DNM1L: variants seen among roughly 807,000 people sequenced by gnomAD.
DNM1L encodes the protein dynamin-1-like protein.
Under a neutral mutation model 92.8 loss-of-function variants are expected in DNM1L, and 33 were observed. The observed-to-expected ratio is 0.36, with a 90% CI of 0.27 to 0.48. DNM1L has a LOEUF of 0.48. Ranked by LOEUF, DNM1L falls within the 20% of genes least tolerant of loss-of-function variation. The probability of loss-of-function intolerance (pLI) is 0.99; values close to 1 mark genes in which losing one functional copy is unlikely to be tolerated. For synonymous variants in DNM1L, 284 were observed against 305.0 expected, an observed-to-expected ratio of 0.93 and a Z score of 0.72; for missense variants, 485 against 888.8, an observed-to-expected ratio of 0.55 and a Z score of 5.78.
At chr12:32,706,138 T>A (rs973272767) in intron 2 of DNM1L, 5 of 334,078 alleles carry the variant, frequency 1.5e-5, no homozygotes, top group African/African-American at 1.1e-4. Context: ...TAGAAACAGC[T>A]CTTTGGTATG....
chr12:32,680,977 A>G (rs1037824591), intron 1 of DNM1L, among the ~76,000 whole-genome samples: 3 of 152,242 alleles, frequency 2.0e-5, no homozygotes, highest in African/African-American at 7.2e-5. Flanking sequence ...AAGTAAAAGA[A>G]TTAGGGATAT....
chr12:32,727,673 C>A lies in DNM1L; in HGVS notation c.1080-3341C>A, dbSNP rs188857182. On this transcript the variant is annotated intron_variant, in intron 9 of 19. Transcript: ENST00000549701. ...TCAGATGCTATACCTATCTTGGAAT[C>A]ATTTCTCAAATCATGTAACAAATAA... Among the ~76,000 whole-genome samples, 10 of 152,350 alleles carry A rather than the reference C, an allele frequency of 6.6e-5. No homozygotes were observed. In the East Asian group the frequency reaches 1.5e-3, roughly 24 times the overall value.
intron 13 of DNM1L, among the ~76,000 whole-genome samples, chr12:32,736,498 T>A (rs1432726281): frequency 2.0e-5 from 3 of 152,230 alleles, no homozygotes; most frequent in African/African-American, 7.2e-5. Flanking sequence ...ATTAGAACAG[T>A]AGGCAATTGA....
chr12:32,720,877 A>G lies in DNM1L; in HGVS notation c.872+82A>G, dbSNP rs1454053297. 3.2e-6 allele frequency: 5 copies of G among 1,544,348 alleles called. No individual in the cohort carries two copies. The East Asian group carries it at 1.1e-4, about 35-fold the overall frequency. ...AGAGGGTTCATTTTCAGTTCCTTAC[A>G]TTTTCATACTGTTCCTAACAGCTTC... On this transcript the variant is annotated intron_variant, in intron 8 of 19. Transcript: ENST00000549701.
At chr12:32,679,538 A>C in intron 1 of DNM1L, 73 bp downstream of exon 1, 1 of 1,463,068 alleles carries the variant, frequency 6.8e-7, no homozygotes, top group East Asian at 2.3e-5. Context: ...GGCAGTGCCC[A>C]CTCCCGCGCC....
At chr12:32,734,115 TA>T (rs952458715) in intron 13 of DNM1L, among the ~76,000 whole-genome samples, 2 of 152,228 alleles carry the variant, frequency 1.3e-5, no homozygotes, top group African/African-American at 4.8e-5. Context: ...ACAAAGTATT[TA>T]AAATTCTTTT....
At position 32,726,845 on chromosome 12, in the gene DNM1L, T is replaced by A. The variant is rs1054152622; in HGVS notation, c.1080-4169T>A. ...AGTGATCAGAATCATCTGGTTCTGG[T>A]TCTAACCTCATCCTATATGTCTTTG... On this transcript the variant is annotated intron_variant, in intron 9 of 19. Coordinates refer to ENST00000549701, the MANE Select transcript of DNM1L (RefSeq NM_012062.5). 3 of 634,824 alleles carry A rather than the reference T, an allele frequency of 4.7e-6. No individual in the cohort carries two copies. In the African/African-American group the frequency reaches 5.5e-5, roughly 12 times the overall value. The allele number at this position is 634,824 out of a possible 1,614,324, so 39.3% of individuals were successfully genotyped here.
Position 32,702,856 on chromosome 12 carries a change from T to C in DNM1L, c.250+1294T>C, listed in dbSNP as rs556277003. ...TACATTAGGTAGCTTCTGGGTATGT[T>C]ATTCATCACTTTGCATTTCTCTAAT... On this transcript the variant is annotated intron_variant, in intron 2 of 19. Coordinates refer to ENST00000549701, the MANE Select transcript of DNM1L (RefSeq NM_012062.5). 9.2e-5 allele frequency among the ~76,000 whole-genome samples: 14 copies of C among 152,310 alleles called. No homozygotes were observed. The East Asian group carries it at 2.5e-3, about 27-fold the overall frequency.
intron 1 of DNM1L, among the ~76,000 whole-genome samples, chr12:32,700,188 C>T (rs940752028): frequency 1.1e-4 from 16 of 152,112 alleles, no homozygotes; most frequent in East Asian, 2.0e-4. Flanking sequence ...GGTGTGACCT[C>T]GGCTTACTGC....
At chr12:32,695,509 C>T (rs938018928) in intron 1 of DNM1L, among the ~76,000 whole-genome samples, 1 of 152,176 alleles carries the variant, frequency 6.6e-6, no homozygotes, top group African/African-American at 2.4e-5. Flanking sequence ...GTGGCTCACA[C>T]CTGTAATCCC....
At chr12:32,743,211 C>CTAA in intron 19 of DNM1L, 143 bp from the exon 20 acceptor site, 1 of 765,218 alleles carries the variant, frequency 1.3e-6, no homozygotes, top group Non-Finnish European at 2.1e-6. Flanking sequence ...TGATTAGATT[C>CTAA]TAATTCCAGA....
In DNM1L at chr12:32,744,121, A is replaced by G. The variant is rs1046095172; in HGVS notation, c.*711A>G. 2.0e-5 allele frequency: 3 copies of G among 152,294 alleles called. No homozygotes were observed. The highest frequency in any genetic ancestry group is 4.8e-5 in the African/African-American group (2 of 41,456). The allele number at this position is 152,294 out of a possible 1,614,324, so 9.4% of individuals were successfully genotyped here. A position where few individuals can be genotyped will look rare whatever the true frequency, so the allele number is the denominator to read the frequency against. On this transcript the variant is annotated 3_prime_UTR_variant, in exon 20 of 20. Coordinates refer to ENST00000549701, the MANE Select transcript of DNM1L (RefSeq NM_012062.5). ...CAGGAATGCCTACATTAATTCCTAC[A>G]TTAAAAACAGCCATCTACCCTTGAT...
intron 9 of DNM1L, among the ~76,000 whole-genome samples, chr12:32,729,333 G>A (rs1415708954): frequency 2.0e-5 from 3 of 151,348 alleles, no homozygotes; most frequent in Non-Finnish European, 2.9e-5. Context: ...CGCCTGCCTC[G>A]GCCTCCCAAA....
At chr12:32,703,058 T>TC (rs1362246841) in intron 2 of DNM1L, among the ~76,000 whole-genome samples, 3 of 105,428 alleles carry the variant, frequency 2.8e-5, no homozygotes, top group South Asian at 3.5e-4. Context: ...TCTCTCTCTC[T>TC]TTTTTTTTTT....
intron 9 of DNM1L, among the ~76,000 whole-genome samples, chr12:32,727,846 G>A (rs768628329): frequency 5.3e-5 from 8 of 152,142 alleles, no homozygotes; most frequent in Non-Finnish European, 1.0e-4. Context: ...ACCTGCATCT[G>A]TCTTTGGGGC....
chr12:32,688,296 G>A lies in DNM1L; in HGVS notation c.102+8831G>A, dbSNP rs142251856. ...TTGGGATTTTGATGGGGATTGTGTT[G>A]CCTCTATAGGTTGCTTCAGGTTTTA... is the stretch of plus-strand genomic sequence containing the variant. On this transcript the variant is annotated intron_variant, in intron 1 of 19. Transcript: ENST00000549701. 3.2e-3 allele frequency among the ~76,000 whole-genome samples: 480 copies of A among 152,288 alleles called. 4 individuals carry two copies. The highest frequency in any genetic ancestry group is 0.011 in the African/African-American group (452 of 41,566).
intron 2 of DNM1L, among the ~76,000 whole-genome samples, chr12:32,703,757 TATAA>T (rs1272227976): frequency 1.3e-5 from 2 of 152,102 alleles, no homozygotes; most frequent in African/African-American, 4.8e-5. Flanking sequence ...CATGGAGAAG[TATAA>T]TCCATCTTAG....
chr12:32,705,899 C>G (rs1374007430), intron 2 of DNM1L: 7 of 1,581,544 alleles, frequency 4.4e-6, no homozygotes, highest in South Asian at 3.3e-5. Flanking sequence ...CCCTTTTTTT[C>G]TCTTATGCCT....
At position 32,718,926 on chromosome 12, in the gene DNM1L, G is replaced by A. The variant is rs7970914; in HGVS notation, c.740+163G>A. 0.15 allele frequency among the ~76,000 whole-genome samples: 23,359 copies of A among 151,506 alleles called. 1,902 individuals carry two copies. Among genetic ancestry groups the A allele is most frequent in the Middle Eastern group, 0.21 (62 of 294 alleles). On this transcript the variant is annotated intron_variant, in intron 7 of 19. Transcript: ENST00000549701. ...TGATCTTGGTATTGCTAAAGAATCC[G>A]TTGCCCTAAAGGGAGAAAAGAGAGA...
Sources: allele counts gnomAD v4.1 joint callset (sites outside exome capture counted in the v4.1 genomes callset), GRCh38; gene constraint gnomAD v4.1.1; transcripts MANE v1.5; gene names NCBI Gene and HGNC (gene_info 2026-07-23, HGNC 2026-07-21).